ADAM28: variants seen among roughly 807,000 people sequenced by gnomAD.
ADAM28 encodes disintegrin and metalloproteinase domain-containing protein 28.
In ADAM28, 105 loss-of-function variants were observed where a neutral mutation model predicts 101.2. The observed-to-expected ratio is 1.04, with a 90% CI of 0.89 to 1.22. ADAM28 has a LOEUF of 1.22. Ranked by LOEUF, ADAM28 falls within the 50% of genes most tolerant of loss-of-function variation. ADAM28 has a pLI of 0.00. For synonymous variants in ADAM28, 322 were observed against 310.6 expected (o/e 1.04, Z -0.39); for missense variants, 1,028 against 945.4 (o/e 1.09, Z -1.15).
chr8:24,310,437 C>G, intron 4 of ADAM28, 196 bp downstream of exon 4: 1 of 514,294 alleles, frequency 1.9e-6, no homozygotes, highest in Non-Finnish European at 3.3e-6. Flanking sequence ...TTCTTGGCAA[C>G]TCCGGTAAGT....
chr8:24,351,837 C>A, intron 20 of ADAM28, 150 bp from the exon 21 acceptor site: 3 of 650,494 alleles, frequency 4.6e-6, no homozygotes, highest in Non-Finnish European at 7.9e-6. Context: ...TGGAATACGC[C>A]AGCAGGACCA....
chr8:24,352,486 C>T (rs1211712773), intron 21 of ADAM28, among the ~76,000 whole-genome samples: 1 of 152,166 alleles, frequency 6.6e-6, no homozygotes, highest in African/African-American at 2.4e-5. Flanking sequence ...AGAGGGAGAG[C>T]ATCTCTCTTG....
At chr8:24,344,840 G>A (rs2129332001) in intron 18 of ADAM28, among the ~76,000 whole-genome samples, 1 of 152,074 alleles carries the variant, frequency 6.6e-6, no homozygotes, top group South Asian at 2.1e-4. Context: ...TCTTCCTGGT[G>A]TAACAATGCA....
At chr8:24,334,302 C>A (rs1813734269) in intron 13 of ADAM28, among the ~76,000 whole-genome samples, 2 of 152,106 alleles carry the variant, frequency 1.3e-5, no homozygotes, top group African/African-American at 4.8e-5. Context: ...TGGATGGGGA[C>A]AGGGATTTTC....
rs1808494734 is a variant in ADAM28, at chr8:24,299,985, A to G, written c.58A>G (p.Lys20Glu). Residue 20 changes from lysine to glutamate, a missense_variant, in exon 2 of 23, where the codon AAA becomes GAA. By Grantham distance (56) the Lys-to-Glu change is moderately conservative. Transcript: ENST00000265769. Reference protein sequence around the residue: ...LLLSVAVSAIKELPGVKKYEV... With the variant: ...LLLSVAVSAIEELPGVKKYEV... ...TTCTTTTTTCTCAGTAAGTGCTATA[A>G]AAGAACTCCCTGGGGTGAAGAAGTA... The G allele has an allele frequency of 1.2e-6, 2 of 1,611,938 alleles. No homozygotes were observed. The highest frequency in any genetic ancestry group is 2.2e-5 in the South Asian group (2 of 90,952).
intron 4 of ADAM28, 142 bp downstream of exon 4, chr8:24,310,383 A>G (rs948810396): frequency 1.6e-5 from 11 of 693,874 alleles, no homozygotes; most frequent in African/African-American, 3.7e-5. Flanking sequence ...CTTAAAATAT[A>G]AAAAAAAGAA....
chr8:24,330,578 A>C (rs1403407673), intron 11 of ADAM28, among the ~76,000 whole-genome samples: 1 of 152,118 alleles, frequency 6.6e-6, no homozygotes, highest in Non-Finnish European at 1.5e-5. Flanking sequence ...TTAAATATTC[A>C]TGTCCTCTTT....
Position 24,313,373 on chromosome 8 carries a change from C to CTCATGTT in ADAM28, c.384-13_384-7dup. The CTCATGTT allele has an allele frequency of 6.3e-7, 1 of 1,597,662 alleles. No individual in the cohort carries two copies. Among genetic ancestry groups the CTCATGTT allele is most frequent in the South Asian group, 1.1e-5 (1 of 87,950 alleles). On this transcript the variant is annotated splice_polypyrimidine_tract_variant and intron_variant, in intron 5 of 22. Coordinates refer to ENST00000265769, the MANE Select transcript of ADAM28 (RefSeq NM_014265.6). Reference sequence around the variant, plus strand: ...CAATATTTGTTAAGAAGCCAGAACTCTCATGTTTTTTCAGGGGCTACTTCA... The same window carrying CTCATGTT: ...CAATATTTGTTAAGAAGCCAGAACTCTCATGTTTCATGTTTTTTCAGGGGCTACTTCA...
intron 20 of ADAM28, 95 bp from the exon 21 acceptor site, chr8:24,351,892 C>A: frequency 8.0e-7 from 1 of 1,248,978 alleles, no homozygotes; most frequent in Non-Finnish European, 1.2e-6. Flanking sequence ...TAGTTCCAAG[C>A]TTCCATGCCT....
chr8:24,304,114 T>C (rs1036256104), intron 2 of ADAM28, among the ~76,000 whole-genome samples: 3 of 151,516 alleles, frequency 2.0e-5, no homozygotes, highest in African/African-American at 7.3e-5. Flanking sequence ...ACAAGTGAAG[T>C]GTTTTTAATC....
In ADAM28 at chr8:24,345,707, G is replaced by A. The variant is rs116553537; in HGVS notation, c.1990+2123G>A. Among the ~76,000 whole-genome samples the A allele has an allele frequency of 9.5e-3, 1,446 of 151,882 alleles. 22 individuals are homozygous for A. The highest frequency in any genetic ancestry group is 0.033 in the African/African-American group (1,353 of 41,444). On this transcript the variant is annotated intron_variant, in intron 18 of 22. Coordinates refer to ENST00000265769, the MANE Select transcript of ADAM28 (RefSeq NM_014265.6). ...TTATACCTAATCTTTTGATTCAACCGATGCTTTTTCTTTAGTTATCATCCA... is the reference window on the plus strand; with the variant it reads ...TTATACCTAATCTTTTGATTCAACCAATGCTTTTTCTTTAGTTATCATCCA...
At chr8:24,335,185 G>A (rs1275521506) in intron 13 of ADAM28, among the ~76,000 whole-genome samples, 5 of 148,316 alleles carry the variant, frequency 3.4e-5, no homozygotes, top group African/African-American at 1.0e-4. Flanking sequence ...TTTTCGTCCT[G>A]TACTTTTCTA....
intron 9 of ADAM28, 79 bp from the exon 10 acceptor site, chr8:24,326,475 T>G: frequency 2.3e-6 from 3 of 1,329,872 alleles, no homozygotes; most frequent in Non-Finnish European, 3.2e-6. Context: ...TGCTAACCAT[T>G]TAGGGTTTTG....
At chr8:24,336,786 A>T (rs1020046664) in intron 14 of ADAM28, among the ~76,000 whole-genome samples, 4 of 151,950 alleles carry the variant, frequency 2.6e-5, no homozygotes, top group Non-Finnish European at 5.9e-5. Context: ...TTGAAAAAAA[A>T]AGGCAAGTTT....
At position 24,349,914 on chromosome 8, in the gene ADAM28, G is replaced by A. The variant is rs772450836; in HGVS notation, c.2041G>A (p.Val681Met). The change falls in exon 19 of 23, where the codon GTG becomes ATG. Residue 681 changes from valine (V) to methionine (M), a missense_variant. Coordinates refer to ENST00000265769, the MANE Select transcript of ADAM28 (RefSeq NM_014265.6). ...GTTCCCAATGGCGGTCATTTTTGTG[G>A]TGGTTGCTATGGTAATCCGGCACCA... ...VLFPMAVIFV[V>M]VAMVIRHQSS... 1 of 1,613,604 alleles carries A rather than the reference G, an allele frequency of 6.2e-7. No homozygotes were observed. Among genetic ancestry groups the A allele is most frequent in the East Asian group, 2.2e-5 (1 of 44,828 alleles).
intron 14 of ADAM28, among the ~76,000 whole-genome samples, chr8:24,337,484 G>A (rs1376367383): frequency 6.6e-6 from 1 of 152,226 alleles, no homozygotes; most frequent in African/African-American, 2.4e-5. Flanking sequence ...TCCTGGAACA[G>A]GGACATTGTC....
intron 5 of ADAM28, 66 bp downstream of exon 5, chr8:24,311,503 C>T: frequency 8.2e-7 from 1 of 1,226,904 alleles, no homozygotes; most frequent in Non-Finnish European, 1.2e-6. Flanking sequence ...TCTAACCAAC[C>T]AGATGAATCC....
intron 2 of ADAM28, among the ~76,000 whole-genome samples, chr8:24,301,916 T>G (rs1808833689): frequency 6.6e-6 from 1 of 152,174 alleles, no homozygotes; most frequent in Admixed American, 6.5e-5. Flanking sequence ...TGAATTTTTT[T>G]TCTAATAACT....
intron 2 of ADAM28, among the ~76,000 whole-genome samples, chr8:24,300,706 G>A (rs1585497304): frequency 6.6e-6 from 1 of 152,076 alleles, no homozygotes; most frequent in East Asian, 1.9e-4. Flanking sequence ...GTGAGCTACC[G>A]CCTAGCCATA....
Sources: gnomAD v4.1 joint callset for allele counts (sites outside exome capture counted in the v4.1 genomes callset) on GRCh38, gnomAD v4.1.1 for gene constraint, MANE v1.5 for transcripts, NCBI Gene and HGNC (gene_info 2026-07-23, HGNC 2026-07-21) for gene names.